ZCCHC14: variants seen among roughly 807,000 people sequenced by gnomAD.
ZCCHC14 encodes the protein zinc finger CCHC-type containing 14, also known as zinc finger CCHC domain-containing protein 14.
ZCCHC14 carries 16 observed loss-of-function variants against 85.0 expected under a neutral mutation model. That is an observed-to-expected ratio of 0.19 (90% confidence interval 0.13 to 0.29). The LOEUF (loss-of-function observed/expected upper bound fraction) is 0.29. ZCCHC14 is among the 10% of genes least tolerant of loss of function. ZCCHC14 has a pLI of 1.00. For missense variants in ZCCHC14, 1,303 were observed against 1,443.5 expected, an observed-to-expected ratio of 0.90 and a Z score of 1.58; for synonymous variants, 775 against 630.7, an observed-to-expected ratio of 1.23 and a Z score of -3.43.
At position 87,491,822 on chromosome 16, in the gene ZCCHC14, G is replaced by T. The variant is rs138146187; in HGVS notation, c.417C>A (p.Ala139=). 6.3e-7 allele frequency: 1 copy of T among 1,584,802 alleles called. No homozygotes were observed. The highest frequency in any genetic ancestry group is 2.4e-5 in the East Asian group (1 of 41,994). ...GDEFLLLFTM[A]SNHPAFSFHQ... is the part of the protein sequence containing the mutation. ...GGAAGCTGAAGGCCGGGTGGTTGGA[G>T]GCCATGGTGAACAGCAGCAGGAACT... The change falls in exon 1 of 13, where the codon GCC becomes GCA. Residue 139 remains alanine, a synonymous_variant. Transcript: ENST00000671377. This position sits in a 1 kb window ranked among gnomAD's most constrained non-coding sequence, Gnocchi z 5.9.
chr16:87,433,969 A>C (rs1461222693), intron 2 of ZCCHC14, among the ~76,000 whole-genome samples: 1 of 152,178 alleles, frequency 6.6e-6, no homozygotes, highest in Non-Finnish European at 1.5e-5. Flanking sequence ...ATTCATTCTC[A>C]TCCTTCTCTG....
intron 2 of ZCCHC14, among the ~76,000 whole-genome samples, chr16:87,456,370 A>G (rs567731139): frequency 1.3e-5 from 2 of 151,882 alleles, no homozygotes; most frequent in Non-Finnish European, 2.9e-5. Flanking sequence ...CTCTACTAAA[A>G]ATATAAAAAA....
At chr16:87,410,724 G>A (rs1047890832) in intron 12 of ZCCHC14, among the ~76,000 whole-genome samples, 1 of 152,174 alleles carries the variant, frequency 6.6e-6, no homozygotes, top group African/African-American at 2.4e-5. Context: ...AGGCCCACCC[G>A]GGCCCGCATG....
At position 87,492,194 on chromosome 16, in the gene ZCCHC14, G is replaced by C; in HGVS notation, c.45C>G (p.Arg15=). The C allele has an allele frequency of 8.6e-7, 1 of 1,156,262 alleles. No individual in the cohort carries two copies. Among genetic ancestry groups the C allele is most frequent in the Non-Finnish European group, 1.1e-6 (1 of 937,800 alleles). 71.6% of individuals were successfully genotyped at this position (1,156,262 alleles called of 1,614,324 possible). A position where few individuals can be genotyped will look rare whatever the true frequency, so the allele number is the denominator to read the frequency against. Residue 15 remains arginine, a synonymous_variant, in exon 1 of 13, where the codon CGC becomes CGG. Coordinates refer to ENST00000671377, the MANE Select transcript of ZCCHC14 (RefSeq NM_015144.3). This position sits in a 1 kb window ranked among gnomAD's most constrained non-coding sequence, Gnocchi z 6.7. Reference sequence around the variant, plus strand: ...GCGGCGACGGCAGCTCCGAGAACCAGCGGTACACGCCGTCCCTCTGCAGCG... The same window carrying C: ...GCGGCGACGGCAGCTCCGAGAACCACCGGTACACGCCGTCCCTCTGCAGCG... ...RCPLQRDGVY[R]WFSELPSPQR...
At chr16:87,448,512 C>G (rs1418470344) in intron 2 of ZCCHC14, among the ~76,000 whole-genome samples, 2 of 152,192 alleles carry the variant, frequency 1.3e-5, no homozygotes, top group African/African-American at 4.8e-5. Flanking sequence ...TTCCTTTCAT[C>G]TTCTCTTCCA....
At chr16:87,447,997 G>C (rs1317519174) in intron 2 of ZCCHC14, among the ~76,000 whole-genome samples, 1 of 152,100 alleles carries the variant, frequency 6.6e-6, no homozygotes, top group Non-Finnish European at 1.5e-5. Context: ...GCAGGTATGA[G>C]TGCTCTGGAG....
At chr16:87,483,140 C>T (rs1436937095) in intron 1 of ZCCHC14, among the ~76,000 whole-genome samples, 5 of 151,478 alleles carry the variant, frequency 3.3e-5, no homozygotes, top group Non-Finnish European at 5.9e-5. Context: ...AAGACAATGC[C>T]TTGAAACTTA....
chr16:87,453,368 G>C (rs1005702650), intron 2 of ZCCHC14, among the ~76,000 whole-genome samples: 2 of 152,216 alleles, frequency 1.3e-5, no homozygotes, highest in Non-Finnish European at 2.9e-5. Flanking sequence ...AGTGGGAGCA[G>C]GCAGAACCTG....
intron 1 of ZCCHC14, chr16:87,470,419 T>C (rs898830712): frequency 6.7e-6 from 1 of 148,724 alleles, no homozygotes; most frequent in Non-Finnish European, 1.5e-5. Context: ...TAAAATGTTC[T>C]CAGGAGTCAA....
chr16:87,425,352 G>C (rs184058718), intron 3 of ZCCHC14, among the ~76,000 whole-genome samples: 7 of 152,178 alleles, frequency 4.6e-5, no homozygotes, highest in African/African-American at 1.7e-4. Flanking sequence ...TGAGGTGGGC[G>C]GATCACCTGA....
intron 1 of ZCCHC14, among the ~76,000 whole-genome samples, chr16:87,463,980 C>T (rs2092701385): frequency 6.6e-6 from 1 of 152,166 alleles, no homozygotes; most frequent in African/African-American, 2.4e-5. Flanking sequence ...CCAGCACGCA[C>T]AGCTGAGAGT....
At chr16:87,483,796 A>C (rs1462542148) in intron 1 of ZCCHC14, among the ~76,000 whole-genome samples, 1 of 152,158 alleles carries the variant, frequency 6.6e-6, no homozygotes, top group Non-Finnish European at 1.5e-5. Flanking sequence ...AGACCATTTG[A>C]CCCAACTCCA....
intron 2 of ZCCHC14, among the ~76,000 whole-genome samples, chr16:87,446,243 G>A (rs1231994742): frequency 6.6e-6 from 1 of 152,036 alleles, no homozygotes; most frequent in East Asian, 1.9e-4. Flanking sequence ...CAGCACTTTG[G>A]GAGACCAAGG....
intron 2 of ZCCHC14, among the ~76,000 whole-genome samples, chr16:87,457,865 G>A (rs890377226): frequency 6.6e-6 from 1 of 152,094 alleles, no homozygotes; most frequent in Non-Finnish European, 1.5e-5. Flanking sequence ...CAGAAACCGC[G>A]ACCCTCTATG....
chr16:87,486,426 C>T (rs1002462140), intron 1 of ZCCHC14, among the ~76,000 whole-genome samples: 23 of 152,230 alleles, frequency 1.5e-4, no homozygotes, highest in African/African-American at 5.5e-4. Flanking sequence ...TACAGGTTTA[C>T]AGCCGAGGAG....
intron 1 of ZCCHC14, among the ~76,000 whole-genome samples, chr16:87,481,592 G>T (rs1238930917): frequency 1.5e-5 from 2 of 134,112 alleles, no homozygotes; most frequent in Non-Finnish European, 3.1e-5. Context: ...AGGAAGAAAG[G>T]AAAGTACAGG....
Position 87,411,647 on chromosome 16 carries a change from GT to G in ZCCHC14, c.3073del (p.Thr1025ProfsTer49), listed in dbSNP as rs1223734208. Reference sequence around the variant, plus strand: ...ATTGCTACTGCCCACCAGTCCTTGGGTCTGGTACACCCCTGCTGTCCCTGCC... The same window carrying G: ...ATTGCTACTGCCCACCAGTCCTTGGGCTGGTACACCCCTGCTGTCCCTGCC... ...FMAGTAGVYQTQGLVGSSNGS... is the reference protein window; with the variant it reads ...FMAGTAGVYQXQGLVGSSNGS... On this transcript the variant is annotated frameshift_variant, in exon 12 of 13. Coordinates refer to ENST00000671377, the MANE Select transcript of ZCCHC14 (RefSeq NM_015144.3). LOFTEE classifies it high-confidence loss of function. 1.9e-6 allele frequency: 3 copies of G among 1,613,964 alleles called. No homozygotes were observed. The highest frequency in any genetic ancestry group is 2.5e-6 in the Non-Finnish European group (3 of 1,179,972).
rs2150718207 is a variant in ZCCHC14 at position 87,410,263 on chromosome 16, G to A, written c.*17C>T. ...TGTCTCCATGGCTTAATAACGTTCT[G>A]TTGCCAGAGAAAAATATCAATCTGT... On this transcript the variant is annotated 3_prime_UTR_variant, in exon 13 of 13. Transcript: ENST00000671377. 2 of 764,260 alleles carry A rather than the reference G, an allele frequency of 2.6e-6. No individual in the cohort carries two copies. Among genetic ancestry groups the A allele is most frequent in the Middle Eastern group, 2.3e-4 (1 of 4,360 alleles). The allele number at this position is 764,260 out of a possible 1,614,324, so 47.3% of individuals were successfully genotyped here.
chr16:87,465,129 C>A (rs73242705), intron 1 of ZCCHC14, among the ~76,000 whole-genome samples: 4 of 152,212 alleles, frequency 2.6e-5, no homozygotes, highest in Non-Finnish European at 5.9e-5. Flanking sequence ...CCCTGGCTGT[C>A]CCCTCTGCCT....
Sources: allele counts gnomAD v4.1 joint callset (sites outside exome capture counted in the v4.1 genomes callset), GRCh38; gene constraint gnomAD v4.1.1; non-coding constraint Gnocchi (gnomAD v3.1); transcripts MANE v1.5; gene names NCBI Gene and HGNC (gene_info 2026-07-23, HGNC 2026-07-21).